The following LSM3 variants were observed in gnomAD, a reference collection of about 807,000 sequenced individuals.
The protein encoded by LSM3 is LSM3 homolog, U6 small nuclear RNA and mRNA degradation associated.
LSM3 carries 14 observed loss-of-function variants against 15.4 expected under a neutral mutation model. That is an observed-to-expected ratio of 0.91 (90% CI 0.60 to 1.42). LSM3 has a LOEUF of 1.42. Among genes scored for constraint, LSM3 ranks in the 40% most tolerant of loss-of-function variants. The pLI is 0.00. For missense variants in LSM3, 88 were observed against 127.9 expected (o/e 0.69, Z 1.50); for synonymous variants, 46 against 45.1 (o/e 1.02, Z -0.08).
intron 3 of LSM3, 106 bp from the exon 4 acceptor site, chr3:14,197,930 C>T: frequency 1.1e-6 from 1 of 943,030 alleles, no homozygotes; most frequent in Non-Finnish European, 1.7e-6. Context: ...TTTTTTAATC[C>T]AATTTTTTTG....
intron 3 of LSM3, among the ~76,000 whole-genome samples, chr3:14,194,479 A>G (rs746371319): frequency 3.9e-5 from 6 of 152,134 alleles, no homozygotes; most frequent in Non-Finnish European, 8.8e-5. Context: ...TATTTCTAGA[A>G]TGGGGATTCT....
At chr3:14,182,901 G>A (rs576206437) in intron 2 of LSM3, among the ~76,000 whole-genome samples, 3 of 152,130 alleles carry the variant, frequency 2.0e-5, no homozygotes, top group East Asian at 3.9e-4. Flanking sequence ...CTGTGGTTCC[G>A]CCTTCCACAA....
In LSM3 at chr3:14,182,263, C is replaced by G. The variant is rs191155976; in HGVS notation, c.132+593C>G. ...TTACACATATACACTCATATATGTA[C>G]ATGTGCACATACTTGCATTATGTAC... On this transcript the variant is annotated intron_variant, in intron 2 of 3. Transcript: ENST00000306024. Among the ~76,000 whole-genome samples the G allele has an allele frequency of 1.7e-3, 254 of 151,898 alleles. 4 individuals carry two copies. The highest frequency in any genetic ancestry group is 0.016 in the Admixed American group (243 of 15,258).
intron 3 of LSM3, among the ~76,000 whole-genome samples, chr3:14,190,730 C>T (rs1437138689): frequency 6.6e-6 from 1 of 152,186 alleles, no homozygotes; most frequent in Non-Finnish European, 1.5e-5. Context: ...ATCATGTCAT[C>T]TGCAAACAGA....
intron 1 of LSM3, among the ~76,000 whole-genome samples, chr3:14,181,230 C>A (rs549008436): frequency 1.6e-4 from 24 of 152,150 alleles, no homozygotes; most frequent in South Asian, 1.2e-3. Flanking sequence ...TCCCTGAGAC[C>A]CTATGCCCTG....
Position 14,179,914 on chromosome 3 carries a change from A to G in LSM3, c.21+1033A>G, listed in dbSNP as rs190501100. 4.5e-3 allele frequency among the ~76,000 whole-genome samples: 681 copies of G among 152,340 alleles called. 9 individuals are homozygous for G. Among genetic ancestry groups the G allele is most frequent in the African/African-American group, 0.015 (642 of 41,576 alleles). On this transcript the variant is annotated intron_variant, in intron 1 of 3. Transcript: ENST00000306024. ...TATAATTATTTGTATGCCTCTCCAC[A>G]GTAGAATGAGCTCCTTGAGGGTGGG...
At chr3:14,179,902 A>G (rs1211083784) in intron 1 of LSM3, among the ~76,000 whole-genome samples, 1 of 152,224 alleles carries the variant, frequency 6.6e-6, no homozygotes, top group Non-Finnish European at 1.5e-5. Context: ...AATTATTTGT[A>G]TGCCTCTCCA....
At chr3:14,193,582 TG>T (rs1189366513) in intron 3 of LSM3, among the ~76,000 whole-genome samples, 1 of 152,238 alleles carries the variant, frequency 6.6e-6, no homozygotes, top group South Asian at 2.1e-4. Flanking sequence ...TATTGATACT[TG>T]TTTATTCTTT....
intron 3 of LSM3, among the ~76,000 whole-genome samples, chr3:14,196,797 A>G (rs1182540355): frequency 2.6e-5 from 4 of 152,210 alleles, no homozygotes; most frequent in African/African-American, 7.2e-5. Flanking sequence ...CAAATAGTCA[A>G]AGGTTTTTTT....
In LSM3 at chr3:14,190,945, T is replaced by C. The variant is rs906129109; in HGVS notation, c.228+6913T>C. 2.0e-5 allele frequency among the ~76,000 whole-genome samples: 3 copies of C among 152,206 alleles called. No homozygotes were observed. In the East Asian group the frequency reaches 5.8e-4, roughly 29 times the overall value. On this transcript the variant is annotated intron_variant, in intron 3 of 3. Transcript: ENST00000306024. ...GGTTTGTCATAAATAGTTCTTATTA[T>C]TTTGAGATATGTTTCATTGATACCT...
At chr3:14,193,801 C>T (rs936908154) in intron 3 of LSM3, among the ~76,000 whole-genome samples, 22 of 152,146 alleles carry the variant, frequency 1.4e-4, no homozygotes, top group African/African-American at 4.8e-4. Flanking sequence ...ACTCATTCTC[C>T]GTCTAGCTTT....
chr3:14,183,560 A>G (rs946401069), intron 2 of LSM3, among the ~76,000 whole-genome samples: 1 of 152,206 alleles, frequency 6.6e-6, no homozygotes, highest in African/African-American at 2.4e-5. Flanking sequence ...TATAGGTGAA[A>G]TTGAAGGATG....
At chr3:14,183,418 A>G (rs962739110) in intron 2 of LSM3, among the ~76,000 whole-genome samples, 12 of 152,356 alleles carry the variant, frequency 7.9e-5, no homozygotes, top group Middle Eastern at 6.8e-3. Flanking sequence ...AGAAATGGGC[A>G]GGGTGTTGCT....
rs112724438 is a variant in LSM3 at position 14,198,080 on chromosome 3, C to T, written c.273C>T (p.Gly91=). The part of the protein sequence containing the change: ...NIPMLFVRGD[G]VVLVAPPLRV... ...CAATGCTCTTTGTCCGGGGAGATGG[C>T]GTTGTCCTGGTTGCCCCTCCACTGA... Residue 91 remains glycine, a synonymous_variant, in exon 4 of 4, where the codon GGC becomes GGT. Transcript: ENST00000306024. 1.5e-5 allele frequency: 24 copies of T among 1,613,640 alleles called. No homozygotes were observed. The African/African-American group carries it at 1.6e-4, about 11-fold the overall frequency.
intron 1 of LSM3, among the ~76,000 whole-genome samples, chr3:14,180,896 G>A (rs1392991037): frequency 7.9e-6 from 1 of 126,368 alleles, no homozygotes; most frequent in Non-Finnish European, 1.6e-5. Flanking sequence ...TGTTGCCCAA[G>A]CTGGAGTGCA....
chr3:14,181,707 C>A, intron 2 of LSM3, 37 bp downstream of exon 2: 1 of 1,375,100 alleles, frequency 7.3e-7, no homozygotes, highest in Non-Finnish European at 1.0e-6. Flanking sequence ...AAATCAGATT[C>A]CTTCCTACCC....
At chr3:14,192,813 G>A (rs1697152815) in intron 3 of LSM3, among the ~76,000 whole-genome samples, 1 of 152,180 alleles carries the variant, frequency 6.6e-6, no homozygotes, top group Admixed American at 6.5e-5. Flanking sequence ...ATTTGATCCT[G>A]CCATTATGAT....
chr3:14,181,219 G>T (rs1484403016), intron 1 of LSM3, among the ~76,000 whole-genome samples: 2 of 152,178 alleles, frequency 1.3e-5, no homozygotes, highest in Non-Finnish European at 2.9e-5. Flanking sequence ...TAAAGCTAAA[G>T]TCCCTGAGAC....
At position 14,198,216 on chromosome 3, in the gene LSM3, T is replaced by C. The variant is rs1697203852; in HGVS notation, c.*100T>C. 3.5e-5 allele frequency: 30 copies of C among 867,574 alleles called. No homozygotes were observed. In the South Asian group the frequency reaches 4.2e-4, roughly 12 times the overall value. The allele number at this position is 867,574 out of a possible 1,614,324, so 53.7% of individuals were successfully genotyped here. On this transcript the variant is annotated 3_prime_UTR_variant, in exon 4 of 4. Coordinates refer to ENST00000306024, the MANE Select transcript of LSM3 (RefSeq NM_014463.3). ...AGAGAAACCTGCATACATTTTGATA[T>C]TAAGAAATAATTCCGGGGATTCTTC...
Sources: gnomAD v4.1 joint callset for allele counts (sites outside exome capture counted in the v4.1 genomes callset) on GRCh38, gnomAD v4.1.1 for gene constraint, MANE v1.5 for transcripts, NCBI Gene and HGNC (gene_info 2026-07-23, HGNC 2026-07-21) for gene names.